MLLT3: variants seen among roughly 807,000 people sequenced by gnomAD.
The protein encoded by MLLT3 is protein AF-9.
Under a neutral mutation model 53.2 loss-of-function variants are expected in MLLT3, and 4 were observed. That is an observed-to-expected ratio of 0.08 (90% CI 0.04 to 0.17). MLLT3 has a LOEUF of 0.17. Ranked by LOEUF, MLLT3 falls within the 10% of genes least tolerant of loss-of-function variation. The pLI is 1.00. For synonymous variants in MLLT3, 283 were observed against 230.6 expected (o/e 1.23, Z -2.06); for missense variants, 569 against 684.0 (o/e 0.83, Z 1.87).
chr9:20,428,204 G>A (rs1027263379), intron 4 of MLLT3, among the ~76,000 whole-genome samples: 6 of 151,936 alleles, frequency 3.9e-5, no homozygotes, highest in African/African-American at 1.4e-4. Context: ...AAGGAAGTAA[G>A]TAAAAACCTA....
intron 2 of MLLT3, 100 bp from the exon 3 acceptor site, chr9:20,456,886 G>GC: frequency 5.9e-6 from 5 of 845,740 alleles, no homozygotes; most frequent in Non-Finnish European, 9.1e-6. Context: ...TAGATCACAC[G>GC]CAATTTTCAT....
intron 2 of MLLT3, among the ~76,000 whole-genome samples, chr9:20,504,599 T>G (rs371041304): frequency 6.6e-6 from 1 of 151,432 alleles, no homozygotes; most frequent in East Asian, 1.9e-4. Context: ...AGGTGGAGAG[T>G]TGGGGAGATG....
chr9:20,375,644 G>A (rs932234929), intron 5 of MLLT3, among the ~76,000 whole-genome samples: 1 of 122,734 alleles, frequency 8.1e-6, no homozygotes, highest in African/African-American at 3.1e-5. Context: ...GTCTTGCTCT[G>A]TCACCCAGGC....
intron 2 of MLLT3, among the ~76,000 whole-genome samples, chr9:20,513,761 G>T (rs1045381139): frequency 6.6e-6 from 1 of 152,226 alleles, no homozygotes; most frequent in Non-Finnish European, 1.5e-5. Context: ...AGGAGGCAGG[G>T]AGTGGATAGT....
At chr9:20,617,235 C>T (rs1217740101) in intron 2 of MLLT3, among the ~76,000 whole-genome samples, 1 of 152,154 alleles carries the variant, frequency 6.6e-6, no homozygotes, top group African/African-American at 2.4e-5. Flanking sequence ...AGTAAGCCCT[C>T]AAGTATTAGT....
chr9:20,416,937 A>C (rs938769213), intron 4 of MLLT3, among the ~76,000 whole-genome samples: 1 of 152,142 alleles, frequency 6.6e-6, no homozygotes, highest in African/African-American at 2.4e-5. Flanking sequence ...TTGTTCATGT[A>C]ATACATGTAA....
At position 20,354,997 on chromosome 9, in the gene MLLT3, G is replaced by A. The variant is rs1356996842; in HGVS notation, c.1432-118C>T. On this transcript the variant is annotated intron_variant, in intron 8 of 10. Transcript: ENST00000380338. ...TACAGTAACATTTGCTTTCCAAATA[G>A]CATTTCTTTTCTATACATTTTCCTT... The A allele has an allele frequency of 1.9e-5, 10 of 522,442 alleles. No homozygotes were observed. In the African/African-American group the frequency reaches 2.0e-4, roughly 10 times the overall value. The allele number at this position is 522,442 out of a possible 1,614,324, so 32.4% of individuals were successfully genotyped here.
At chr9:20,353,194 C>A (rs1821078916) in intron 10 of MLLT3, among the ~76,000 whole-genome samples, 1 of 152,210 alleles carries the variant, frequency 6.6e-6, no homozygotes. Context: ...AGAAGCCTGG[C>A]CCCAAAGCTT....
intron 2 of MLLT3, among the ~76,000 whole-genome samples, chr9:20,486,290 G>A (rs1271528700): frequency 6.6e-6 from 1 of 151,854 alleles, no homozygotes; most frequent in Non-Finnish European, 1.5e-5. Context: ...AAATACAACA[G>A]AACAAAGGGC....
chr9:20,361,250 C>G (rs1161980635), intron 7 of MLLT3, among the ~76,000 whole-genome samples: 1 of 152,200 alleles, frequency 6.6e-6, no homozygotes, highest in Non-Finnish European at 1.5e-5. Context: ...GCATGCTACT[C>G]AAGCTTACAG....
intron 2 of MLLT3, among the ~76,000 whole-genome samples, chr9:20,489,170 A>C (rs977899086): frequency 1.3e-5 from 2 of 152,160 alleles, no homozygotes; most frequent in Non-Finnish European, 2.9e-5. Flanking sequence ...AGCGGGTGGA[A>C]GGGTAGAGAG....
chr9:20,465,744 C>T (rs1824223215), intron 2 of MLLT3, among the ~76,000 whole-genome samples: 2 of 152,216 alleles, frequency 1.3e-5, no homozygotes, highest in South Asian at 4.1e-4. Flanking sequence ...ATCTTGTGAG[C>T]TCTACTTCTT....
intron 2 of MLLT3, among the ~76,000 whole-genome samples, chr9:20,463,898 AAG>A: frequency 6.6e-6 from 1 of 152,160 alleles, no homozygotes. Flanking sequence ...GAAAGTAACT[AAG>A]AACTGTTCCC....
At chr9:20,611,190 G>C (rs904748945) in intron 2 of MLLT3, among the ~76,000 whole-genome samples, 46 of 152,024 alleles carry the variant, frequency 3.0e-4, no homozygotes, top group African/African-American at 1.1e-3. Context: ...CAAATGAATA[G>C]ATACCTGGAA....
At chr9:20,453,616 T>C (rs946586278) in intron 3 of MLLT3, among the ~76,000 whole-genome samples, 1 of 152,190 alleles carries the variant, frequency 6.6e-6, no homozygotes, top group Non-Finnish European at 1.5e-5. Flanking sequence ...TCTCCTCCAG[T>C]AACTAATGCC....
chr9:20,615,726 T>G (rs1406611192), intron 2 of MLLT3, among the ~76,000 whole-genome samples: 1 of 151,974 alleles, frequency 6.6e-6, no homozygotes, highest in Non-Finnish European at 1.5e-5. Flanking sequence ...TAATAAAATC[T>G]ATTAAGTTAT....
chr9:20,493,673 C>T (rs1443914740), intron 2 of MLLT3, among the ~76,000 whole-genome samples: 2 of 151,832 alleles, frequency 1.3e-5, no homozygotes, highest in Non-Finnish European at 2.9e-5. Context: ...AATGAGACAT[C>T]AAAAACAATG....
intron 5 of MLLT3, among the ~76,000 whole-genome samples, chr9:20,372,599 G>A (rs976425822): frequency 2.7e-5 from 4 of 145,950 alleles, no homozygotes; most frequent in African/African-American, 7.6e-5. Flanking sequence ...TAGTAGAGAC[G>A]GGGTTTCACT....
intron 2 of MLLT3, among the ~76,000 whole-genome samples, chr9:20,502,602 T>A (rs1825274966): frequency 6.6e-6 from 1 of 152,242 alleles, no homozygotes; most frequent in African/African-American, 2.4e-5. Flanking sequence ...ACTATTTATA[T>A]AACATTTACA....
Sources: allele counts gnomAD v4.1 joint callset (sites outside exome capture counted in the v4.1 genomes callset), GRCh38; gene constraint gnomAD v4.1.1; transcripts MANE v1.5; gene names NCBI Gene and HGNC (gene_info 2026-07-23, HGNC 2026-07-21).